Variants in CEP128 observed in about 807,000 individuals in gnomAD.
CEP128 encodes centrosomal protein 128kDa.
In CEP128, 132 loss-of-function variants were observed where a neutral mutation model predicts 156.7. The ratio of observed to expected loss-of-function variants is 0.84; its 90% CI spans 0.73 to 0.97. CEP128 has a LOEUF of 0.97. Ranked by LOEUF, CEP128 falls within the 50% of genes least tolerant of loss-of-function variation. CEP128 has a pLI of 0.00. For synonymous variants in CEP128, 469 were observed against 448.9 expected (o/e 1.04, Z -0.57); for missense variants, 1,252 against 1,281.9 (o/e 0.98, Z 0.36).
chr14:80,546,517 G>A (rs1889993123), intron 21 of CEP128, among the ~76,000 whole-genome samples: 1 of 152,170 alleles, frequency 6.6e-6, no homozygotes, highest in African/African-American at 2.4e-5. Context: ...TGAGGTTTGA[G>A]TTAGAAATGA....
chr14:80,487,640 A>G (rs1378074195), downstream of CEP128, among the ~76,000 whole-genome samples: 3 of 152,244 alleles, frequency 2.0e-5, no homozygotes, highest in Non-Finnish European at 4.4e-5. Context: ...AGCACTCCTC[A>G]GCAAATGTAA....
intron 19 of CEP128, among the ~76,000 whole-genome samples, chr14:80,665,716 A>C (rs1040094208): frequency 5.9e-5 from 9 of 152,140 alleles, no homozygotes; most frequent in African/African-American, 1.9e-4. Context: ...ATATAGAAAG[A>C]TCCTTTTCTG....
intron 19 of CEP128, among the ~76,000 whole-genome samples, chr14:80,604,231 C>G (rs527652356): frequency 4.4e-4 from 67 of 152,180 alleles, no homozygotes; most frequent in African/African-American, 1.6e-3. Context: ...CTTTGAACTG[C>G]TTACAGAAAT....
chr14:80,781,636 G>A (rs1901125903), intron 15 of CEP128, among the ~76,000 whole-genome samples: 1 of 151,966 alleles, frequency 6.6e-6, no homozygotes, highest in South Asian at 2.1e-4. Context: ...GTATCCGGGG[G>A]GCTAAAGGAA....
At chr14:80,955,871 A>C in intron 2 of CEP128, 1 of 1,614,064 alleles carries the variant, frequency 6.2e-7, no homozygotes, top group Non-Finnish European at 8.5e-7. Flanking sequence ...GGGAGAGATC[A>C]GGGTAGGACC....
At chr14:80,949,696 G>A (rs1490591662) in intron 2 of CEP128, among the ~76,000 whole-genome samples, 1 of 152,088 alleles carries the variant, frequency 6.6e-6, no homozygotes, top group Non-Finnish European at 1.5e-5. Flanking sequence ...ATCCCAAATT[G>A]TTTCAAAGTA....
chr14:80,793,583 C>T (rs1208889401), intron 13 of CEP128, among the ~76,000 whole-genome samples: 1 of 152,084 alleles, frequency 6.6e-6, no homozygotes, highest in Non-Finnish European at 1.5e-5. Context: ...GTGACAGAAA[C>T]ATCAGCATAG....
chr14:80,876,477 G>C (rs1888289116), intron 8 of CEP128, among the ~76,000 whole-genome samples: 1 of 151,842 alleles, frequency 6.6e-6, no homozygotes, highest in Non-Finnish European at 1.5e-5. Flanking sequence ...CACGCCTGTA[G>C]TCCCAGCTAC....
At chr14:80,740,543 T>TAGATAGACAGAC (rs71103880) in intron 19 of CEP128, among the ~76,000 whole-genome samples, 1 of 142,750 alleles carries the variant, frequency 7.0e-6, no homozygotes, top group Non-Finnish European at 1.5e-5. Context: ...GATAGATAGA[T>TAGATAGACAGAC]AGACAGACAG....
intron 2 of CEP128, among the ~76,000 whole-genome samples, chr14:80,924,388 G>A (rs576712060): frequency 6.2e-4 from 95 of 152,268 alleles, no homozygotes; most frequent in African/African-American, 2.1e-3. Flanking sequence ...AACAGAATCA[G>A]ATACTTAAAT....
Position 80,617,217 on chromosome 14 carries a change from A to ACCTTTTTTTTTTTTTTTTTTTTTTT in CEP128, c.2807-36795_2807-36794insAAAAAAAAAAAAAAAAAAAAAAAGG, listed in dbSNP as rs1491470595. Among the ~76,000 whole-genome samples, 4 of 43,140 alleles carry ACCTTTTTTTTTTTTTTTTTTTTTTT rather than the reference A, an allele frequency of 9.3e-5. 1 individual carries two copies. The highest frequency in any genetic ancestry group is 7.1e-5 in the African/African-American group (1 of 14,016). 28.3% of individuals were successfully genotyped at this position (43,140 alleles called of 152,430 possible). On this transcript the variant is annotated intron_variant, in intron 19 of 24. Transcript: ENST00000555265. ...AAATCACTTAACCTATGTGAATATC[A>ACCTTTTTTTTTTTTTTTTTTTTTTT]TCTTTTTTTTTTTTTTTTTTTTTTT...
At chr14:80,726,158 T>C (rs1898014092) in intron 19 of CEP128, among the ~76,000 whole-genome samples, 2 of 152,202 alleles carry the variant, frequency 1.3e-5, no homozygotes, top group African/African-American at 2.4e-5. Flanking sequence ...ATGACAGCCA[T>C]GATGTGTCTG....
intron 19 of CEP128, among the ~76,000 whole-genome samples, chr14:80,730,759 G>C (rs1047224100): frequency 6.6e-6 from 1 of 152,154 alleles, no homozygotes; most frequent in African/African-American, 2.4e-5. Context: ...GTATGGTCTT[G>C]AGTGACTGGT....
intron 20 of CEP128, among the ~76,000 whole-genome samples, chr14:80,569,409 A>G (rs1891046298): frequency 6.6e-6 from 1 of 152,200 alleles, no homozygotes; most frequent in South Asian, 2.1e-4. Flanking sequence ...TCCAAAGTCT[A>G]TGAAATGAAG....
intron 19 of CEP128, among the ~76,000 whole-genome samples, chr14:80,676,462 AT>A (rs968574757): frequency 2.6e-4 from 40 of 152,066 alleles, no homozygotes; most frequent in Middle Eastern, 6.8e-3. Context: ...TAAAAAAAAA[AT>A]AATCAGATCA....
At chr14:80,816,849 C>G (rs1456502493) in intron 13 of CEP128, among the ~76,000 whole-genome samples, 1 of 152,076 alleles carries the variant, frequency 6.6e-6, no homozygotes. Flanking sequence ...CGGCTAAGAG[C>G]CCTCTTGGGA....
At chr14:80,894,171 T>C (rs1889235601) in intron 8 of CEP128, among the ~76,000 whole-genome samples, 1 of 151,888 alleles carries the variant, frequency 6.6e-6, no homozygotes, top group African/African-American at 2.4e-5. Context: ...TAAAATTCAA[T>C]AGACGGTCCC....
chr14:80,914,180 T>A (rs1884412776), intron 4 of CEP128, 142 bp downstream of exon 4: 2 of 577,776 alleles, frequency 3.5e-6, no homozygotes, highest in Non-Finnish European at 6.2e-6. Context: ...TAACCTAAAC[T>A]TAAACTATAA....
chr14:80,832,683 G>C (rs1885869500), intron 12 of CEP128, among the ~76,000 whole-genome samples: 1 of 152,186 alleles, frequency 6.6e-6, no homozygotes, highest in Non-Finnish European at 1.5e-5. Flanking sequence ...CCAAGCAAAG[G>C]AGAAGGAGTT....
Sources: gnomAD v4.1 joint callset for allele counts (sites outside exome capture counted in the v4.1 genomes callset) on GRCh38, gnomAD v4.1.1 for gene constraint, MANE v1.5 for transcripts, NCBI Gene and HGNC (gene_info 2026-07-23, HGNC 2026-07-21) for gene names.